Variants in ITFG2 observed in about 807,000 individuals in gnomAD.
ITFG2 encodes KICSTOR complex protein ITFG2.
Under a neutral mutation model 54.4 loss-of-function variants are expected in ITFG2, and 36 were observed. The observed-to-expected ratio is 0.66, with a 90% CI of 0.51 to 0.87. ITFG2 has a LOEUF of 0.87. Ranked by LOEUF, ITFG2 falls within the 40% of genes least tolerant of loss-of-function variation. The pLI, the probability that ITFG2 is intolerant of heterozygous loss-of-function variation, is 0.00. For synonymous variants in ITFG2, 211 were observed against 225.4 expected (o/e 0.94, Z 0.57); for missense variants, 524 against 576.7 (o/e 0.91, Z 0.94).
intron 2 of ITFG2, chr12:2,849,163 G>A: frequency 6.9e-7 from 1 of 1,444,492 alleles, no homozygotes; most frequent in Non-Finnish European, 9.1e-7. Flanking sequence ...TCTTGCTGAA[G>A]GAGCATTGAT....
At chr12:2,817,106 GTAGA>G in intron 1 of ITFG2, 113 bp from the exon 2 acceptor site, 1 of 650,072 alleles carries the variant, frequency 1.5e-6, no homozygotes, top group East Asian at 2.8e-5. Flanking sequence ...TTTTAATAAA[GTAGA>G]TGAAGATACA....
intron 6 of ITFG2, 44 bp from the exon 7 acceptor site, chr12:2,821,218 G>A: frequency 6.8e-7 from 1 of 1,473,708 alleles, no homozygotes; most frequent in Non-Finnish European, 9.3e-7. Context: ...GGAGAGCTCA[G>A]CTCACTTGGT....
chr12:2,812,777 A>G lies in ITFG2; in HGVS notation c.17A>G (p.Tyr6Cys), dbSNP rs762644040. 6.2e-7 allele frequency: 1 copy of G among 1,611,464 alleles called. No individual in the cohort carries two copies. Among genetic ancestry groups the G allele is most frequent in the Non-Finnish European group, 8.5e-7 (1 of 1,177,748 alleles). The change falls in exon 1 of 12, where the codon TAC becomes TGC. Residue 6 changes from tyrosine (Y) to cysteine (C), a missense_variant. Tyr to Cys is a radical substitution (Grantham distance 194). Transcript: ENST00000228799. MRSVS[Y>C]VQRVALEFSG... ...GGAGGTGCCATGAGGTCAGTTAGCT[A>G]CGTGCAGCGCGTGGCGCTGGAGTTC...
At chr12:2,859,407 G>C (rs1236101560) in intron 3 of ITFG2, 1 of 1,614,094 alleles carries the variant, frequency 6.2e-7, no homozygotes, top group Admixed American at 1.7e-5. Context: ...TGGGGTGGGA[G>C]ATTGGGACGA....
At chr12:2,823,076 G>A (rs922772723) in intron 10 of ITFG2, among the ~76,000 whole-genome samples, 165 bp downstream of exon 10, 1 of 152,014 alleles carries the variant, frequency 6.6e-6, no homozygotes, top group Non-Finnish European at 1.5e-5. Context: ...GGGGTGAGGG[G>A]TGAGTGATGT....
intron 1 of ITFG2, among the ~76,000 whole-genome samples, chr12:2,839,290 C>G (rs1565440006): frequency 6.7e-6 from 1 of 149,392 alleles, no homozygotes; most frequent in African/African-American, 2.5e-5. Context: ...AACTCCGGCT[C>G]AAAAAAAAAC....
Position 2,822,850 on chromosome 12 carries a change from T to C in ITFG2, c.1005T>C (p.Ile335=), listed in dbSNP as rs771518922. 6.2e-6 allele frequency: 10 copies of C among 1,614,180 alleles called. No homozygotes were observed. The highest frequency in any genetic ancestry group is 4.0e-5 in the African/African-American group (3 of 75,030). The change falls in exon 10 of 12, where the codon ATT becomes ATC. Residue 335 remains isoleucine, a synonymous_variant. Coordinates refer to ENST00000228799, the MANE Select transcript of ITFG2 (RefSeq NM_018463.4). Reference sequence around the variant, plus strand: ...CCTGGGATGGACAGACATATATCATTGATCACAACCGCACCGTCGTCCGCT... The same window carrying C: ...CCTGGGATGGACAGACATATATCATCGATCACAACCGCACCGTCGTCCGCT... ...ACAWDGQTYI[I]DHNRTVVRFQ... is the part of the protein sequence containing the mutation.
chr12:2,818,469 C>A (rs2097929447), intron 4 of ITFG2, 192 bp downstream of exon 4: 2 of 1,158,256 alleles, frequency 1.7e-6, no homozygotes, highest in Non-Finnish European at 2.4e-6. Context: ...ACAAAAATTG[C>A]TGCCCTCCTG....
Position 2,845,428 on chromosome 12 carries a change from G to A in ITFG2, n.300+4433G>A, listed in dbSNP as rs2153927530. On this transcript the variant is annotated intron_variant and non_coding_transcript_variant, in intron 2 of 3. Transcript: ENST00000537710. This position sits in a 1 kb window ranked among gnomAD's most constrained non-coding sequence, Gnocchi z 4.2. ...AGTCCCCACAGCTTCCCGACTCCCT[G>A]GCCCCAGCCATTCCTCAAGCTCCCA... 6.6e-6 allele frequency among the ~76,000 whole-genome samples: 1 copy of A among 152,266 alleles called. No homozygotes were observed. The highest frequency in any genetic ancestry group is 2.1e-4 in the South Asian group (1 of 4,826).
intron 1 of ITFG2, among the ~76,000 whole-genome samples, chr12:2,840,678 C>T (rs1262322874): frequency 3.3e-5 from 5 of 151,836 alleles, no homozygotes; most frequent in African/African-American, 1.2e-4. Context: ...CCCAGCTACT[C>T]GGGAGGCTGA....
chr12:2,849,654 C>T (rs2098063922), intron 2 of ITFG2: 1 of 1,016,168 alleles, frequency 9.8e-7, no homozygotes, highest in Non-Finnish European at 1.4e-6. Context: ...GCAGGGAATC[C>T]CTTCTGTCTC....
downstream of ITFG2, chr12:2,826,008 C>A (rs2090325360): frequency 1.3e-5 from 2 of 152,236 alleles, no homozygotes; most frequent in East Asian, 1.9e-4. Context: ...AAGTGATCCA[C>A]CCACCTCAGC....
downstream of ITFG2, among the ~76,000 whole-genome samples, chr12:2,831,400 A>G (rs1019033564): frequency 5.9e-5 from 9 of 151,992 alleles, no homozygotes; most frequent in African/African-American, 2.2e-4. Context: ...CCTGGCCAAC[A>G]TGGTGAAACC....
downstream of ITFG2, chr12:2,825,694 A>G (rs1214757258): frequency 6.6e-6 from 1 of 152,486 alleles, no homozygotes; most frequent in Non-Finnish European, 1.5e-5. Flanking sequence ...CCCCAGGCTC[A>G]AGACTGTTTC....
At chr12:2,833,996 C>T (rs922493559), upstream of ITFG2, among the ~76,000 whole-genome samples, 6 of 152,182 alleles carry the variant, frequency 3.9e-5, no homozygotes, top group African/African-American at 7.2e-5. Flanking sequence ...TGCAGTTTTC[C>T]GCCGCCCACT....
chr12:2,856,111 T>C (rs988622462), intron 2 of ITFG2, among the ~76,000 whole-genome samples: 1 of 152,138 alleles, frequency 6.6e-6, no homozygotes, highest in East Asian at 1.9e-4. Flanking sequence ...ATGGATCTTA[T>C]TGAACCCCCA....
At chr12:2,859,162 A>C in intron 3 of ITFG2, 1 of 1,607,402 alleles carries the variant, frequency 6.2e-7, no homozygotes, top group Non-Finnish European at 8.5e-7. Context: ...TCCTGGGAGT[A>C]GCTGAGCTGG....
intron 2 of ITFG2, among the ~76,000 whole-genome samples, chr12:2,850,978 CTTTTT>C (rs35125854): frequency 1.2e-5 from 1 of 81,666 alleles, no homozygotes; most frequent in African/African-American, 5.5e-5. Flanking sequence ...GGCCCAGAGT[CTTTTT>C]TTTTTTTTTT....
At chr12:2,855,514 ACTCCGCTCTCCTTCCCAGGCACGAC>A in intron 2 of ITFG2, 1 of 1,241,230 alleles carries the variant, frequency 8.1e-7, no homozygotes, top group Non-Finnish European at 1.1e-6. Flanking sequence ...TGGGTGAGGC[ACTCCGCTCTCCTTCCCAGGCACGAC>A]CTCTGCCAGC....
Sources: allele counts gnomAD v4.1 joint callset (sites outside exome capture counted in the v4.1 genomes callset), GRCh38; gene constraint gnomAD v4.1.1; non-coding constraint Gnocchi (gnomAD v3.1); transcripts MANE v1.5; gene names NCBI Gene and HGNC (gene_info 2026-07-23, HGNC 2026-07-21).